RNF10: variants seen among roughly 807,000 people sequenced by gnomAD.
The protein encoded by RNF10 is E3 ubiquitin-protein ligase RNF10.
In RNF10, 38 loss-of-function variants were observed where a neutral mutation model predicts 91.4. That is an observed-to-expected ratio of 0.42 (90% CI 0.32 to 0.54). The LOEUF (loss-of-function observed/expected upper bound fraction) is 0.54, where lower values mean the gene tolerates loss of function less well. Among genes scored for constraint, RNF10 ranks in the 20% least tolerant of loss-of-function variants. The pLI, the probability that RNF10 is intolerant of heterozygous loss-of-function variation, is 0.16. For missense variants in RNF10, 945 were observed against 1,012.0 expected, an observed-to-expected ratio of 0.93 and a Z score of 0.90; for synonymous variants, 364 against 366.3, an observed-to-expected ratio of 0.99 and a Z score of 0.07.
At chr12:120,559,361 T>G (rs546997642) in intron 6 of RNF10, among the ~76,000 whole-genome samples, 70 of 151,738 alleles carry the variant, frequency 4.6e-4, no homozygotes, top group Admixed American at 1.7e-3. Flanking sequence ...TTTGTTTTTT[T>G]TGTGTGTGTG....
At chr12:120,571,107 C>G (rs563578827) in intron 13 of RNF10, 84 bp from the exon 14 acceptor site, 1 of 828,180 alleles carries the variant, frequency 1.2e-6, no homozygotes, top group African/African-American at 1.7e-5. Context: ...TTTTCCAGAC[C>G]TGACTCAGGG....
intron 1 of RNF10, among the ~76,000 whole-genome samples, chr12:120,542,036 T>A (rs1255885333): frequency 6.6e-6 from 1 of 151,386 alleles, no homozygotes; most frequent in Non-Finnish European, 1.5e-5. Flanking sequence ...CTGGTTAATT[T>A]TTTGTATTTT....
rs760763949 is a variant in RNF10 at position 120,562,937 on chromosome 12, C to G, written c.1129-8C>G. On this transcript the variant is annotated splice_region_variant and splice_polypyrimidine_tract_variant and intron_variant, in intron 7 of 16. Coordinates refer to ENST00000325954, the MANE Select transcript of RNF10 (RefSeq NM_014868.5). The stretch of plus-strand genomic sequence containing the variant: ...AACCTTCTCTGGTGTTCTCTCTGGC[C>G]ACGTTAGACTCGGGAAGAGGCTCTG... 5.0e-6 allele frequency: 8 copies of G among 1,613,714 alleles called. No homozygotes were observed. Among genetic ancestry groups the G allele is most frequent in the Non-Finnish European group, 6.8e-6 (8 of 1,179,868 alleles).
At chr12:120,576,535 CA>C (rs1877415959) in intron 16 of RNF10, 54 bp from the exon 17 acceptor site, 1 of 1,586,610 alleles carries the variant, frequency 6.3e-7, no homozygotes, top group African/African-American at 1.4e-5. Flanking sequence ...GAAAACTGGC[CA>C]GGGGACAAGG....
chr12:120,554,686 G>C (rs1218298984), intron 3 of RNF10, 32 bp from the exon 4 acceptor site: 1 of 1,519,432 alleles, frequency 6.6e-7, no homozygotes, highest in Admixed American at 1.7e-5. Context: ...GATCCTGACA[G>C]TCTAGCTTTT....
chr12:120,576,818 A>G lies in RNF10; in HGVS notation c.*152A>G. On this transcript the variant is annotated 3_prime_UTR_variant, in exon 17 of 17. Coordinates refer to ENST00000325954, the MANE Select transcript of RNF10 (RefSeq NM_014868.5). ...GTTTCCACAATGTGAGGGGGAACCA[A>G]GAAAATTTTAAATACAGTGTATTTT... The G allele has an allele frequency of 1.0e-6, 1 of 992,326 alleles. No individual in the cohort carries two copies. The allele number at this position is 992,326 out of a possible 1,614,324, so 61.5% of individuals were successfully genotyped here.
chr12:120,552,616 G>A lies in RNF10; in HGVS notation c.472G>A (p.Glu158Lys). 1 of 1,614,170 alleles carries A rather than the reference G, an allele frequency of 6.2e-7. No individual in the cohort carries two copies. Reference sequence around the variant, plus strand: ...ACCCCGTGGCCAGACGGGTCACTTTGAAGGCAGTGGACATGGTAGCTGGGG... The same window carrying A: ...ACCCCGTGGCCAGACGGGTCACTTTAAAGGCAGTGGACATGGTAGCTGGGG... ...FEPRGQTGHF[E>K]GSGHGSWGKR... is the part of the protein sequence containing the mutation. Residue 158 changes from glutamate (E) to lysine (K), a missense_variant, in exon 3 of 17, where the codon GAA becomes AAA. Physicochemically the swap from Glu to Lys is moderately conservative, Grantham distance 56. Transcript: ENST00000325954.
At position 120,563,430 on chromosome 12, in the gene RNF10, C is replaced by T; in HGVS notation, c.1338C>T (p.Leu446=). The T allele has an allele frequency of 6.2e-7, 1 of 1,614,100 alleles. No individual in the cohort carries two copies. Among genetic ancestry groups the T allele is most frequent in the Non-Finnish European group, 8.5e-7 (1 of 1,179,996 alleles). ...ACACTCCTTCTAGACCTCTTGCTCT[C>T]CCTCTGGTAGAAGAGGAGGAAGCAG... ...SLDTPSRPLA[L]PLVEEEEAVS... Residue 446 remains leucine, a synonymous_variant, in exon 9 of 17, where the codon CTC becomes CTT. Coordinates refer to ENST00000325954, the MANE Select transcript of RNF10 (RefSeq NM_014868.5).
intron 4 of RNF10, among the ~76,000 whole-genome samples, chr12:120,555,638 C>T (rs1873870762): frequency 6.6e-6 from 1 of 152,004 alleles, no homozygotes; most frequent in Non-Finnish European, 1.5e-5. Flanking sequence ...CAGGCACGCA[C>T]CACCACTCCC....
intron 7 of RNF10, 150 bp from the exon 8 acceptor site, chr12:120,562,795 G>T: frequency 1.2e-6 from 1 of 821,428 alleles, no homozygotes. Context: ...CCTCAAAGTT[G>T]AGATATTTAA....
At chr12:120,571,366 T>A (rs1259831003) in intron 14 of RNF10, 75 bp downstream of exon 14, 1 of 1,070,674 alleles carries the variant, frequency 9.3e-7, no homozygotes, top group Non-Finnish European at 1.4e-6. Flanking sequence ...GGGAACCTCC[T>A]CCAGGGATTG....
At chr12:120,563,143 A>C in intron 8 of RNF10, 73 bp downstream of exon 8, 2 of 1,600,122 alleles carry the variant, frequency 1.2e-6, no homozygotes, top group African/African-American at 2.7e-5. Flanking sequence ...CATTACTGTG[A>C]GATCTAAACC....
rs1451237738 is a variant in RNF10, at chr12:120,566,863, T to C, written c.1924T>C (p.Phe642Leu). ...CATTCCCCTCGAGAATCTACAGCAG[T>C]TTCCTGCCTTCAATTCTTATACCTG... ...VHIPLENLQQ[F>L]PAFNSYTCSS... Residue 642 changes from phenylalanine (F) to leucine (L), a missense_variant, in exon 13 of 17, where the codon TTT becomes CTT. Transcript: ENST00000325954. 20 of 1,613,874 alleles carry C rather than the reference T, an allele frequency of 1.2e-5. No homozygotes were observed. Among genetic ancestry groups the C allele is most frequent in the Non-Finnish European group, 1.6e-5 (19 of 1,179,944 alleles).
In RNF10 at chr12:120,566,935, G is replaced by T; in HGVS notation, c.1996G>T (p.Ala666Ser). 6.2e-7 allele frequency: 1 copy of T among 1,612,626 alleles called. No homozygotes were observed. Among genetic ancestry groups the T allele is most frequent in the Non-Finnish European group, 8.5e-7 (1 of 1,179,624 alleles). ...TCCCACCAGCACCGAGGGCCATGGG[G>T]CCCTCTCCATTTCTCCTCTCAGCAG... Reference protein sequence around the residue: ...LGPTSTEGHGALSISPLSRSP... With the variant: ...LGPTSTEGHGSLSISPLSRSP... Residue 666 changes from alanine to serine, a missense_variant, in exon 13 of 17, where the codon GCC (alanine) becomes TCC (serine). By Grantham distance (99) the Ala-to-Ser change is moderately conservative. Transcript: ENST00000325954.
At chr12:120,556,223 A>AG (rs746062177) in intron 4 of RNF10, among the ~76,000 whole-genome samples, 53 of 152,112 alleles carry the variant, frequency 3.5e-4, no homozygotes, top group Non-Finnish European at 6.6e-4. Context: ...CTTTATGAGC[A>AG]GGGGCTTTTG....
chr12:120,555,439 C>G (rs1873834190), intron 4 of RNF10, among the ~76,000 whole-genome samples: 2 of 151,528 alleles, frequency 1.3e-5, no homozygotes, highest in African/African-American at 4.9e-5. Flanking sequence ...ACCTTGGCCT[C>G]CCAAAGTGTT....
intron 1 of RNF10, among the ~76,000 whole-genome samples, chr12:120,544,468 G>A (rs773544596): frequency 1.3e-5 from 2 of 152,068 alleles, no homozygotes; most frequent in Non-Finnish European, 2.9e-5. Flanking sequence ...ACCAGCCTGG[G>A]CAACAAAGGC....
chr12:120,541,325 T>C (rs1871527575), intron 1 of RNF10, among the ~76,000 whole-genome samples: 1 of 152,192 alleles, frequency 6.6e-6, no homozygotes. Flanking sequence ...TTTCTTTATA[T>C]ACCTATCCTC....
intron 7 of RNF10, among the ~76,000 whole-genome samples, chr12:120,562,573 C>A (rs914497088): frequency 6.6e-6 from 1 of 152,140 alleles, no homozygotes; most frequent in Admixed American, 6.5e-5. Flanking sequence ...CACACCTGGC[C>A]GTATGTGTCT....
Sources: gnomAD v4.1 joint callset for allele counts (sites outside exome capture counted in the v4.1 genomes callset) on GRCh38, gnomAD v4.1.1 for gene constraint, MANE v1.5 for transcripts, NCBI Gene and HGNC (gene_info 2026-07-23, HGNC 2026-07-21) for gene names.